Variants in ABCG2 observed in about 807,000 individuals in gnomAD.
ABCG2 encodes the protein broad substrate specificity ATP-binding cassette transporter ABCG2.
Under a neutral mutation model 73.5 loss-of-function variants are expected in ABCG2, and 80 were observed. The ratio of observed to expected loss-of-function variants is 1.09; its 90% CI spans 0.91 to 1.31. The LOEUF is 1.31. ABCG2 is among the 50% of genes most tolerant of loss of function. The pLI is 0.00. For synonymous variants in ABCG2, 269 were observed against 282.4 expected, an observed-to-expected ratio of 0.95 and a Z score of 0.48; for missense variants, 796 against 786.2, an observed-to-expected ratio of 1.01 and a Z score of -0.15.
intron 1 of ABCG2, among the ~76,000 whole-genome samples, chr4:88,143,208 G>A (rs570539063): frequency 6.6e-6 from 1 of 152,242 alleles, no homozygotes; most frequent in South Asian, 2.1e-4. Flanking sequence ...GGGGAGTCTT[G>A]GAACCAATTC....
chr4:88,229,067 T>G (rs571520225), intron 1 of ABCG2, among the ~76,000 whole-genome samples: 198 of 152,322 alleles, frequency 1.3e-3, no homozygotes, highest in Non-Finnish European at 2.2e-3. Context: ...TGGGTCCCCT[T>G]CCACACTGTG....
chr4:88,222,640 G>A (rs1361973561), intron 1 of ABCG2, among the ~76,000 whole-genome samples: 1 of 152,188 alleles, frequency 6.6e-6, no homozygotes, highest in Non-Finnish European at 1.5e-5. Context: ...TTTCGGGTAT[G>A]TCTTTATCAG....
chr4:88,155,397 G>A (rs768147659), intron 1 of ABCG2, among the ~76,000 whole-genome samples: 1 of 152,200 alleles, frequency 6.6e-6, no homozygotes, highest in Non-Finnish European at 1.5e-5. Flanking sequence ...GGGGCTGTCT[G>A]TGAAGCCTTG....
chr4:88,229,549 C>T (rs1730367674), intron 1 of ABCG2, among the ~76,000 whole-genome samples: 1 of 152,168 alleles, frequency 6.6e-6, no homozygotes, highest in Non-Finnish European at 1.5e-5. Context: ...AAGATACAAG[C>T]TTCTACTCTA....
chr4:88,192,763 G>C (rs992370567), intron 1 of ABCG2, among the ~76,000 whole-genome samples: 32 of 149,114 alleles, frequency 2.1e-4, no homozygotes, highest in Non-Finnish European at 2.1e-4. Context: ...CCAGGTTGGA[G>C]TGCAGTGGCG....
At chr4:88,146,898 A>AGAAGGAAGGAAGGAAGGAAG (rs34167974) in intron 1 of ABCG2, among the ~76,000 whole-genome samples, 2 of 124,620 alleles carry the variant, frequency 1.6e-5, no homozygotes, top group African/African-American at 6.3e-5. Flanking sequence ...AAAAGGAGAA[A>AGAAGGAAGGAAGGAAGGAAG]GAAGGAAGGA....
rs187030003 is a variant in ABCG2 at position 88,180,310 on chromosome 4, T to C, written c.-19-40296A>G. ...AAGGAAAAAAACTTGGATCCTAGGA[T>C]GGTATGTCTGGAGAAAATACCCTTC... On this transcript the variant is annotated intron_variant, in intron 1 of 15. Coordinates refer to the ABCG2 transcript ENST00000515655. 3.3e-5 allele frequency among the ~76,000 whole-genome samples: 5 copies of C among 152,266 alleles called. No individual in the cohort carries two copies. In the East Asian group the frequency reaches 9.6e-4, roughly 29 times the overall value.
chr4:88,212,277 T>C (rs189309493), intron 1 of ABCG2, among the ~76,000 whole-genome samples: 73 of 152,318 alleles, frequency 4.8e-4, no homozygotes, highest in African/African-American at 1.4e-3. Context: ...CAGCTTTGAA[T>C]TTCATGTCAT....
intron 1 of ABCG2, among the ~76,000 whole-genome samples, chr4:88,188,529 A>C (rs1728557632): frequency 6.6e-6 from 1 of 152,174 alleles, no homozygotes; most frequent in South Asian, 2.1e-4. Context: ...TTGTAATAAG[A>C]TTTAAAATCA....
At chr4:88,155,424 G>A (rs1726871922) in intron 1 of ABCG2, among the ~76,000 whole-genome samples, 1 of 152,216 alleles carries the variant, frequency 6.6e-6, no homozygotes, top group South Asian at 2.1e-4. Context: ...TACAGAGCCA[G>A]GATGAGCCAG....
chr4:88,099,712 A>G (rs1722262908), intron 11 of ABCG2, among the ~76,000 whole-genome samples: 1 of 152,124 alleles, frequency 6.6e-6, no homozygotes, highest in Admixed American at 6.5e-5. Flanking sequence ...GCTCCTGAAC[A>G]CTCAGTCCAG....
At chr4:88,178,659 G>A (rs1282589797) in intron 1 of ABCG2, among the ~76,000 whole-genome samples, 4 of 152,036 alleles carry the variant, frequency 2.6e-5, no homozygotes, top group African/African-American at 4.8e-5. Flanking sequence ...ACAATATTTC[G>A]GGACCTGCCC....
intron 5 of ABCG2, 53 bp from the exon 6 acceptor site, chr4:88,121,845 G>T: frequency 6.4e-7 from 1 of 1,561,418 alleles, no homozygotes; most frequent in Middle Eastern, 1.7e-4. Flanking sequence ...ATTATCATTT[G>T]GTGAGCTCCT....
intron 1 of ABCG2, among the ~76,000 whole-genome samples, chr4:88,224,355 C>T (rs1430489672): frequency 1.3e-5 from 2 of 152,164 alleles, no homozygotes; most frequent in Admixed American, 1.3e-4. Context: ...GGAGGATCAC[C>T]TGAGCTGGGG....
At chr4:88,176,154 C>CTCGGTT (rs1335004081) in intron 1 of ABCG2, among the ~76,000 whole-genome samples, 1 of 125,812 alleles carries the variant, frequency 7.9e-6, no homozygotes, top group African/African-American at 2.8e-5. Context: ...TATGATTATT[C>CTCGGTT]TTGTTTTTTT....
intron 2 of ABCG2, among the ~76,000 whole-genome samples, chr4:88,138,469 T>A (rs1287583981): frequency 6.6e-6 from 1 of 152,218 alleles, no homozygotes; most frequent in Non-Finnish European, 1.5e-5. Flanking sequence ...AATTACAAAA[T>A]GTCCAGAGGA....
At chr4:88,132,459 G>T (rs998447100) in intron 3 of ABCG2, 117 bp downstream of exon 3, 2 of 1,085,336 alleles carry the variant, frequency 1.8e-6, no homozygotes, top group Non-Finnish European at 2.8e-6. Context: ...CCTAGAACCA[G>T]ACCTGACATG....
At position 88,117,244 on chromosome 4, in the gene ABCG2, C is replaced by T. The variant is rs188689091; in HGVS notation, c.841+865G>A. Among the ~76,000 whole-genome samples, 368 of 151,484 alleles carry T rather than the reference C, an allele frequency of 2.4e-3. 2 individuals are homozygous for T. The highest frequency in any genetic ancestry group is 6.8e-3 in the African/African-American group (281 of 41,262). On this transcript the variant is annotated intron_variant, in intron 7 of 15. Coordinates refer to ENST00000237612, the MANE Select transcript of ABCG2 (RefSeq NM_004827.3). Reference sequence around the variant, plus strand: ...GTGAGGTGGGAGGATGGCTTGAGCGCGGGGGGTTGAGGCTGCAGTGAGTCA... The same window carrying T: ...GTGAGGTGGGAGGATGGCTTGAGCGTGGGGGGTTGAGGCTGCAGTGAGTCA...
chr4:88,170,595 C>CCCCCGT (rs1727720150), intron 1 of ABCG2, among the ~76,000 whole-genome samples: 1 of 152,226 alleles, frequency 6.6e-6, no homozygotes, highest in East Asian at 1.9e-4. Context: ...CACCTACTAG[C>CCCCCGT]CCCCTTGCCT....
Sources: allele counts gnomAD v4.1 joint callset (sites outside exome capture counted in the v4.1 genomes callset), GRCh38; gene constraint gnomAD v4.1.1; transcripts MANE v1.5; gene names NCBI Gene and HGNC (gene_info 2026-07-23, HGNC 2026-07-21).